NF2: variants seen among roughly 807,000 people sequenced by gnomAD.
NF2 encodes NF2, moesin-ezrin-radixin like (MERLIN) tumor suppressor.
NF2 carries 8 observed loss-of-function variants against 83.7 expected under a neutral mutation model. That is an observed-to-expected ratio of 0.10 (90% CI 0.06 to 0.17). The LOEUF is 0.17. Among genes scored for constraint, NF2 ranks in the 10% least tolerant of loss-of-function variants. The pLI, the probability that NF2 is intolerant of heterozygous loss-of-function variation, is 1.00. For missense variants in NF2, 533 were observed against 744.4 expected, an observed-to-expected ratio of 0.72 and a Z score of 3.31; for synonymous variants, 266 against 269.6, an observed-to-expected ratio of 0.99 and a Z score of 0.13.
chr22:29,682,531 C>T (rs998495201), intron 15 of NF2, among the ~76,000 whole-genome samples: 2 of 152,138 alleles, frequency 1.3e-5, no homozygotes, highest in African/African-American at 4.8e-5. Context: ...CAACTGGCAC[C>T]GGGTAGAGAA....
intron 4 of NF2, among the ~76,000 whole-genome samples, chr22:29,648,470 A>G (rs866008491): frequency 6.6e-6 from 1 of 152,204 alleles, no homozygotes; most frequent in Non-Finnish European, 1.5e-5. Flanking sequence ...TGCCAAAGGG[A>G]TTGTGAAATT....
rs960245129 is a variant in NF2 at position 29,605,083 on chromosome 22, C to T, written c.114+971C>T. 2.6e-5 allele frequency among the ~76,000 whole-genome samples: 4 copies of T among 151,976 alleles called. No homozygotes were observed. In the South Asian group the frequency reaches 8.3e-4, roughly 32 times the overall value. On this transcript the variant is annotated intron_variant, in intron 1 of 15. Coordinates refer to ENST00000338641, the MANE Select transcript of NF2 (RefSeq NM_000268.4). ...GCAACCCTGACCAACCTCCCTGGCT[C>T]AATCAGTCCTCCTGCCTCAGCCTCT...
chr22:29,642,474 A>G (rs576744925), intron 4 of NF2, among the ~76,000 whole-genome samples, 189 bp downstream of exon 4: 4 of 150,766 alleles, frequency 2.7e-5, no homozygotes, highest in South Asian at 2.1e-4. Context: ...TTGTGTGTGT[A>G]TGTGTGTGTG....
At chr22:29,673,526 C>A (rs372880220) in intron 12 of NF2, 40 bp downstream of exon 12, 1 of 1,575,214 alleles carries the variant, frequency 6.3e-7, no homozygotes, top group South Asian at 1.2e-5. Flanking sequence ...AGGAGGCTGG[C>A]GAAGGGCCGC....
At chr22:29,607,287 T>C (rs897627551) in intron 1 of NF2, among the ~76,000 whole-genome samples, 1 of 151,732 alleles carries the variant, frequency 6.6e-6, no homozygotes. Flanking sequence ...GAGCAAGTTA[T>C]GCCTCAGTGT....
chr22:29,681,239 C>T (rs569144177), intron 14 of NF2, among the ~76,000 whole-genome samples, 200 bp from the exon 15 acceptor site: 64 of 152,126 alleles, frequency 4.2e-4, no homozygotes, highest in Non-Finnish European at 7.5e-4. Context: ...ATCATTATCC[C>T]AATTTTAATG....
chr22:29,658,294 G>A (rs763402648), intron 7 of NF2, 30 bp downstream of exon 7: 4 of 1,591,966 alleles, frequency 2.5e-6, no homozygotes, highest in Middle Eastern at 1.7e-4. Context: ...AGCTCCTTGT[G>A]TAGTAGACAG....
intron 1 of NF2, among the ~76,000 whole-genome samples, chr22:29,623,616 T>C (rs2065270637): frequency 6.6e-6 from 1 of 152,088 alleles, no homozygotes; most frequent in Non-Finnish European, 1.5e-5. Flanking sequence ...ATTCAGGAGA[T>C]TCTCAGGTCC....
intron 4 of NF2, among the ~76,000 whole-genome samples, chr22:29,644,728 G>C (rs1434153275): frequency 3.3e-5 from 5 of 152,348 alleles, no homozygotes; most frequent in African/African-American, 7.2e-5. Flanking sequence ...AGACCGGCCC[G>C]GCCAACACAG....
intron 1 of NF2, among the ~76,000 whole-genome samples, chr22:29,630,274 G>A (rs1340520076): frequency 3.9e-5 from 6 of 152,134 alleles, no homozygotes; most frequent in South Asian, 2.1e-4. Flanking sequence ...TTCCAGCTAC[G>A]TTCCTGCTGT....
At chr22:29,622,177 T>C (rs1338129766) in intron 1 of NF2, among the ~76,000 whole-genome samples, 2 of 152,374 alleles carry the variant, frequency 1.3e-5, no homozygotes, top group South Asian at 2.1e-4. Flanking sequence ...CCTATGGCAT[T>C]ATTTTATTGC....
At chr22:29,657,987 G>C (rs1306166770) in intron 6 of NF2, among the ~76,000 whole-genome samples, 1 of 152,198 alleles carries the variant, frequency 6.6e-6, no homozygotes, top group Non-Finnish European at 1.5e-5. Context: ...TTTTGATGGG[G>C]ATGGGAAATT....
At position 29,642,213 on chromosome 22, in the gene NF2, G is replaced by C. The variant is rs2065829948; in HGVS notation, c.375G>C (p.Gln125His). Residue 125 changes from glutamine to histidine, a missense_variant, in exon 4 of 16, where the codon CAG becomes CAC. This residue lies in a region of NF2 where 326 missense variants were observed against 475.1 expected (regional missense o/e 0.69). Coordinates refer to ENST00000338641, the MANE Select transcript of NF2 (RefSeq NM_000268.4). ...QHLFFLQVKK[Q>H]ILDEKIYCPP... is the part of the protein sequence containing the mutation. ...GTTGCTCCTTTCAGGTAAAGAAGCA[G>C]ATTTTAGATGAAAAGATCTACTGCC... The C allele has an allele frequency of 2.5e-6, 4 of 1,613,974 alleles. No individual in the cohort carries two copies. The highest frequency in any genetic ancestry group is 3.4e-6 in the Non-Finnish European group (4 of 1,179,836).
intron 1 of NF2, among the ~76,000 whole-genome samples, chr22:29,617,855 A>C (rs2065118856): frequency 6.6e-6 from 1 of 152,216 alleles, no homozygotes; most frequent in African/African-American, 2.4e-5. Flanking sequence ...ATCGGCTTTG[A>C]AAGAAGACAG....
intron 1 of NF2, among the ~76,000 whole-genome samples, chr22:29,612,385 C>T (rs962453296): frequency 5.3e-5 from 8 of 151,334 alleles, no homozygotes; most frequent in African/African-American, 1.9e-4. Context: ...TGCAGTGGTG[C>T]AATCATATCT....
chr22:29,644,293 G>A (rs1337286860), intron 4 of NF2, among the ~76,000 whole-genome samples: 1 of 146,156 alleles, frequency 6.8e-6, no homozygotes, highest in Non-Finnish European at 1.5e-5. Flanking sequence ...GGGCGGCGGG[G>A]CAGAGGCGCT....
At chr22:29,665,736 G>A (rs1422507956) in intron 9 of NF2, among the ~76,000 whole-genome samples, 5 of 150,910 alleles carry the variant, frequency 3.3e-5, no homozygotes, top group African/African-American at 7.3e-5. Context: ...TGGCCGAGAC[G>A]GGTGGATCAC....
chr22:29,661,677 C>A (rs1352062708), intron 8 of NF2, among the ~76,000 whole-genome samples: 2 of 152,162 alleles, frequency 1.3e-5, no homozygotes, highest in Non-Finnish European at 2.9e-5. Context: ...GACAGGATTT[C>A]ATTATGCATG....
rs773275183 is a variant in NF2, at chr22:29,671,805, G to A, written c.1000-21G>A. ...TCTCGAGCCCTGTGATTCAATGACT[G>A]TTTTTCTTCACCCCTCGCAGATGGA... is the stretch of plus-strand genomic sequence containing the variant. On this transcript the variant is annotated intron_variant, in intron 10 of 15. Transcript: ENST00000338641. 1.2e-5 allele frequency: 19 copies of A among 1,613,702 alleles called. 1 individual carries two copies. The highest frequency in any genetic ancestry group is 1.7e-4 in the Middle Eastern group (1 of 5,986).
Sources: gnomAD v4.1 joint callset for allele counts (sites outside exome capture counted in the v4.1 genomes callset) on GRCh38, gnomAD v4.1.1 for gene constraint, gnomAD v4.1.1 regional missense constraint, MANE v1.5 for transcripts, NCBI Gene and HGNC (gene_info 2026-07-23, HGNC 2026-07-21) for gene names.